Variants in MAX observed in about 807,000 individuals in gnomAD.
MAX encodes the protein MYC associated transcriptional regulator X.
In MAX, 3 loss-of-function variants were observed where a neutral mutation model predicts 22.3. That is an observed-to-expected ratio of 0.13 (90% CI 0.06 to 0.35). The LOEUF (loss-of-function observed/expected upper bound fraction) is 0.35. MAX is among the 10% of genes least tolerant of loss of function. The pLI, the probability that MAX is intolerant of heterozygous loss-of-function variation, is 1.00. For synonymous variants in MAX, 72 were observed against 77.7 expected, an observed-to-expected ratio of 0.93 and a Z score of 0.39; for missense variants, 119 against 209.4, an observed-to-expected ratio of 0.57 and a Z score of 2.66.
chr14:65,024,302 G>T (rs761768696), intron 3 of MAX, among the ~76,000 whole-genome samples: 1 of 151,532 alleles, frequency 6.6e-6, no homozygotes, highest in Non-Finnish European at 1.5e-5. Context: ...GGTTTAATTG[G>T]AATTAGGTGT....
At chr14:65,051,715 C>A (rs1199927311) in intron 3 of MAX, among the ~76,000 whole-genome samples, 1 of 151,656 alleles carries the variant, frequency 6.6e-6, no homozygotes, top group South Asian at 2.1e-4. Flanking sequence ...GAAATCTTTT[C>A]CCCCGTTTTT....
rs769326159 is a variant in MAX at position 65,079,384 on chromosome 14, G to A, written c.172-1348C>T. ...GTTGCCTGGGTACTGCCTTGCTAGA[G>A]TAAGTTCGTAAGTCAATAACATGGA... On this transcript the variant is annotated intron_variant, in intron 3 of 4. Transcript: ENST00000358664. This position sits in a 1 kb window ranked among gnomAD's most constrained non-coding sequence, Gnocchi z 4.5. Among the ~76,000 whole-genome samples, 2 of 152,214 alleles carry A rather than the reference G, an allele frequency of 1.3e-5. No individual in the cohort carries two copies. The highest frequency in any genetic ancestry group is 2.9e-5 in the Non-Finnish European group (2 of 68,030).
rs1367916999 is a variant in MAX, at chr14:65,075,988, G to A, written c.*488C>T. The A allele has an allele frequency of 4.1e-5, 44 of 1,082,960 alleles. No individual in the cohort carries two copies. The highest frequency in any genetic ancestry group is 4.7e-5 in the Non-Finnish European group (42 of 890,240). The allele number at this position is 1,082,960 out of a possible 1,614,324, so 67.1% of individuals were successfully genotyped here. A position where few individuals can be genotyped will look rare whatever the true frequency, so the allele number is the denominator to read the frequency against. On this transcript the variant is annotated 3_prime_UTR_variant, in exon 5 of 5. Coordinates refer to ENST00000358664, the MANE Select transcript of MAX (RefSeq NM_002382.5). This position sits in a 1 kb window ranked among gnomAD's most constrained non-coding sequence, Gnocchi z 4.1. ...AAAAAAAAAAACCCTTAAAAAGGAG[G>A]AGGGTTCATTCTGATTACTCCAAAC... is the stretch of plus-strand genomic sequence containing the variant.
At chr14:65,006,494 C>T (rs780533583) in intron 3 of MAX, among the ~76,000 whole-genome samples, 4 of 152,190 alleles carry the variant, frequency 2.6e-5, no homozygotes, top group Non-Finnish European at 5.9e-5. Flanking sequence ...GTATCCTTGG[C>T]AGTTCGCTGC....
chr14:65,054,890 A>G lies in MAX; in HGVS notation c.171+38818T>C, dbSNP rs1479609836. Among the ~76,000 whole-genome samples, 2 of 152,218 alleles carry G rather than the reference A, an allele frequency of 1.3e-5. No individual in the cohort carries two copies. The highest frequency in any genetic ancestry group is 2.9e-5 in the Non-Finnish European group (2 of 68,034). On this transcript the variant is annotated intron_variant, in intron 3 of 3. Coordinates refer to the MAX transcript ENST00000341653. The surrounding 1 kb of genome is among the most constrained non-coding windows in gnomAD (Gnocchi z 4.4). ...CCTCTGGGCAAGCTCAGGGTTCCAGATGGGCGGTCTGATCTGTCAAAGAGC... is the reference window on the plus strand; with the variant it reads ...CCTCTGGGCAAGCTCAGGGTTCCAGGTGGGCGGTCTGATCTGTCAAAGAGC...
At chr14:65,016,137 C>T (rs1031949594) in intron 3 of MAX, among the ~76,000 whole-genome samples, 6 of 152,166 alleles carry the variant, frequency 3.9e-5, no homozygotes, top group Non-Finnish European at 7.3e-5. Flanking sequence ...AGTACCTCCC[C>T]GCTCCCGGTG....
chr14:65,044,760 GCT>G lies in MAX; in HGVS notation c.172-38478_172-38477del. 1 of 322,500 alleles carries G rather than the reference GCT, an allele frequency of 3.1e-6. No homozygotes were observed. The highest frequency in any genetic ancestry group is 5.7e-6 in the Non-Finnish European group (1 of 176,212). 20.0% of individuals were successfully genotyped at this position (322,500 alleles called of 1,614,324 possible). On this transcript the variant is annotated intron_variant, in intron 3 of 3. Coordinates refer to the MAX transcript ENST00000341653. The surrounding 1 kb of genome is among the most constrained non-coding windows in gnomAD (Gnocchi z 5.5). ...AAGGAGCAGCCCACTCCTGTCCTGG[GCT>G]CTGTGGTGATTGCCACCTCCTCTGG...
rs2061995441 is a variant in MAX at position 65,027,034 on chromosome 14, C to T, written c.172-20750G>A. On this transcript the variant is annotated intron_variant, in intron 3 of 3. Transcript: ENST00000341653. This position sits in a 1 kb window ranked among gnomAD's most constrained non-coding sequence, Gnocchi z 5.7. ...TAGTGTGGAAAGAAGCAGTTGAGCACCATGTTTTGGCAAAATTCAAAGGCT... is the reference window on the plus strand; with the variant it reads ...TAGTGTGGAAAGAAGCAGTTGAGCATCATGTTTTGGCAAAATTCAAAGGCT... Among the ~76,000 whole-genome samples, 1 of 152,048 alleles carries T rather than the reference C, an allele frequency of 6.6e-6. No individual in the cohort carries two copies. The highest frequency in any genetic ancestry group is 2.1e-4 in the South Asian group (1 of 4,826).
chr14:65,070,695 C>T (rs557067005), downstream of MAX, among the ~76,000 whole-genome samples: 4 of 152,380 alleles, frequency 2.6e-5, no homozygotes, highest in African/African-American at 9.6e-5. This position sits in a 1 kb window ranked among gnomAD's most constrained non-coding sequence, Gnocchi z 4.4. Context: ...TCATGAGGCT[C>T]ATCTGCTCCA....
At chr14:65,006,871 T>C (rs1775902395) in intron 3 of MAX, among the ~76,000 whole-genome samples, 1 of 152,186 alleles carries the variant, frequency 6.6e-6, no homozygotes, top group Admixed American at 6.5e-5. Flanking sequence ...CAGTTGTTTT[T>C]TGAGAGTGGT....
At chr14:65,040,247 CTATATATATATGTATATATATG>C (rs1566565217) in intron 3 of MAX, among the ~76,000 whole-genome samples, 4 of 148,118 alleles carry the variant, frequency 2.7e-5, no homozygotes, top group Non-Finnish European at 5.9e-5. Context: ...ATGGTTATCA[CTATATATATATGTATATATATG>C]TATATATATG....
At chr14:65,097,445 T>C (rs2063704077) in intron 2 of MAX, among the ~76,000 whole-genome samples, 1 of 152,206 alleles carries the variant, frequency 6.6e-6, no homozygotes, top group Non-Finnish European at 1.5e-5. Context: ...GCTTCATTAT[T>C]CCAGGATGCA....
intron 3 of MAX, among the ~76,000 whole-genome samples, chr14:65,051,961 AT>A (rs368574493): frequency 2.0e-5 from 3 of 151,700 alleles, no homozygotes; most frequent in East Asian, 2.0e-4. Context: ...TGTCCGGCTA[AT>A]TTTTTTGTAT....
At chr14:65,098,022 C>A (rs140004256) in intron 2 of MAX, among the ~76,000 whole-genome samples, 1 of 152,314 alleles carries the variant, frequency 6.6e-6, no homozygotes, top group South Asian at 2.1e-4. Flanking sequence ...GGGCCTCATA[C>A]TATAGCCATT....
At position 65,031,323 on chromosome 14, in the gene MAX, T is replaced by G. The variant is rs528014444; in HGVS notation, c.172-25039A>C. 1.5e-4 allele frequency among the ~76,000 whole-genome samples: 22 copies of G among 151,326 alleles called. No homozygotes were observed. Among genetic ancestry groups the G allele is most frequent in the Non-Finnish European group, 1.0e-4 (7 of 67,800 alleles). On this transcript the variant is annotated intron_variant, in intron 3 of 3. Transcript: ENST00000341653. This position sits in a 1 kb window ranked among gnomAD's most constrained non-coding sequence, Gnocchi z 4.6. The stretch of plus-strand genomic sequence containing the variant: ...ATCAAGTATAATAATTTTTTGTGTT[T>G]GTTTTTTTTTTTGAGACAGAGTCTC...
chr14:65,075,466 G>A lies in MAX; in HGVS notation c.*1010C>T, dbSNP rs554188238. ...GGGTCCGCACTGGGGTGCGGGTTTA[G>A]TACCAGGTAAATTGCTCTTGGTATT... is the stretch of plus-strand genomic sequence containing the variant. On this transcript the variant is annotated 3_prime_UTR_variant, in exon 5 of 5. Coordinates refer to ENST00000358664, the MANE Select transcript of MAX (RefSeq NM_002382.5). The surrounding 1 kb of genome is among the most constrained non-coding windows in gnomAD (Gnocchi z 4.1). 30 of 1,064,356 alleles carry A rather than the reference G, an allele frequency of 2.8e-5. No individual in the cohort carries two copies. Among genetic ancestry groups the A allele is most frequent in the Non-Finnish European group, 5.7e-6 (5 of 878,426 alleles). 65.9% of individuals were successfully genotyped at this position (1,064,356 alleles called of 1,614,324 possible).
At chr14:65,026,417 C>T (rs1487675979) in intron 3 of MAX, among the ~76,000 whole-genome samples, 2 of 152,194 alleles carry the variant, frequency 1.3e-5, no homozygotes, top group Non-Finnish European at 2.9e-5. Flanking sequence ...TTTGAATTAA[C>T]GTGGAGAATT....
rs2062433672 is a variant in MAX at position 65,044,609 on chromosome 14, G to C, written c.172-38325C>G. The C allele has an allele frequency of 1.0e-6, 1 of 988,434 alleles. No individual in the cohort carries two copies. The allele number at this position is 988,434 out of a possible 1,614,324, so 61.2% of individuals were successfully genotyped here. A position where few individuals can be genotyped will look rare whatever the true frequency, so the allele number is the denominator to read the frequency against. On this transcript the variant is annotated intron_variant, in intron 3 of 3. Coordinates refer to the MAX transcript ENST00000341653. This position sits in a 1 kb window ranked among gnomAD's most constrained non-coding sequence, Gnocchi z 5.5. ...ATGCCGTGGGGCATGCGAATGCAGA[G>C]TAAGATTTAGTTTCATTGGTTTAGT...
At chr14:65,086,146 G>A (rs1210441739) in intron 3 of MAX, among the ~76,000 whole-genome samples, 2 of 152,144 alleles carry the variant, frequency 1.3e-5, no homozygotes, top group African/African-American at 4.8e-5. Context: ...CTTCCACCAT[G>A]ATTGTGAGGC....
Sources: allele counts gnomAD v4.1 joint callset (sites outside exome capture counted in the v4.1 genomes callset), GRCh38; gene constraint gnomAD v4.1.1; non-coding constraint Gnocchi (gnomAD v3.1); transcripts MANE v1.5; gene names NCBI Gene and HGNC (gene_info 2026-07-23, HGNC 2026-07-21).